Variants in SS18 observed in about 807,000 individuals in gnomAD.
The protein encoded by SS18 is protein SSXT.
A neutral mutation model predicts 72.5 loss-of-function variants in SS18; 28 were observed. The observed-to-expected ratio is 0.39, with a 90% CI of 0.29 to 0.53. The LOEUF is 0.53. SS18 is among the 20% of genes least tolerant of loss of function. The pLI is 0.76. For missense variants in SS18, 518 were observed against 535.3 expected (o/e 0.97, Z 0.32); for synonymous variants, 172 against 164.2 (o/e 1.05, Z -0.37).
rs2053260647 is a variant in SS18, at chr18:26,016,943, A to AT, written c.*1410_*1411insA. On this transcript the variant is annotated 3_prime_UTR_variant, in exon 11 of 11. Coordinates refer to ENST00000415083, the MANE Select transcript of SS18 (RefSeq NM_001007559.3). Reference sequence around the variant, plus strand: ...CGTGGGAAAAACCAATTCAATTATAAAGAATACATCTTATTCCCTGGGCAT... The same window carrying AT: ...CGTGGGAAAAACCAATTCAATTATAATAGAATACATCTTATTCCCTGGGCAT... 1 of 224,970 alleles carries AT rather than the reference A, an allele frequency of 4.4e-6. No homozygotes were observed. Among genetic ancestry groups the AT allele is most frequent in the Non-Finnish European group, 8.9e-6 (1 of 112,742 alleles). 13.9% of individuals were successfully genotyped at this position (224,970 alleles called of 1,614,324 possible). A position where few individuals can be genotyped will look rare whatever the true frequency, so the allele number is the denominator to read the frequency against.
chr18:26,064,774 G>A (rs540296189), intron 3 of SS18: 1 of 151,826 alleles, frequency 6.6e-6, no homozygotes, highest in South Asian at 2.1e-4. Flanking sequence ...AAAGAAAATA[G>A]AAAACAAAGT....
At chr18:26,083,155 G>C (rs988287390) in intron 2 of SS18, among the ~76,000 whole-genome samples, 1 of 152,120 alleles carries the variant, frequency 6.6e-6, no homozygotes, top group African/African-American at 2.4e-5. Context: ...CAGAATTTAA[G>C]ATTCTCCCTA....
intron 5 of SS18, among the ~76,000 whole-genome samples, chr18:26,047,174 G>C (rs7234300): frequency 0.26 from 38,294 of 148,780 alleles, 8,526 homozygotes; most frequent in African/African-American, 0.6. Flanking sequence ...ACATGCAAAG[G>C]ATTTTGATAG....
At chr18:26,057,428 T>A (rs1228533042) in intron 4 of SS18, among the ~76,000 whole-genome samples, 161 bp downstream of exon 4, 1 of 152,110 alleles carries the variant, frequency 6.6e-6, no homozygotes, top group Admixed American at 6.6e-5. Flanking sequence ...AAACACTGAA[T>A]ACAGGTCACG....
At chr18:26,051,962 G>A (rs914476845) in intron 5 of SS18, among the ~76,000 whole-genome samples, 2 of 149,506 alleles carry the variant, frequency 1.3e-5, no homozygotes, top group African/African-American at 5.0e-5. Context: ...CTATCTTACA[G>A]TCTTAACTTC....
chr18:26,052,680 C>G lies in SS18; in HGVS notation c.551G>C (p.Gly184Ala). Residue 184 changes from glycine (G) to alanine (A), a missense_variant, in exon 5 of 11, where the codon GGA becomes GCA. Transcript: ENST00000415083. ...PVQNQMTMSQ[G>A]QPMGNYGPRP... ...GGGACCATAGTTTCCCATTGGTTGT[C>G]CCTGACTCATTGTCATCTGATTCTG... 6.2e-7 allele frequency: 1 copy of G among 1,614,138 alleles called. No homozygotes were observed. The highest frequency in any genetic ancestry group is 8.5e-7 in the Non-Finnish European group (1 of 1,179,998).
intron 3 of SS18, among the ~76,000 whole-genome samples, chr18:26,066,709 T>A (rs948348196): frequency 6.6e-6 from 1 of 152,120 alleles, no homozygotes; most frequent in Admixed American, 6.5e-5. Context: ...TTATATATAC[T>A]GTCCAGCAAA....
At position 26,035,978 on chromosome 18, in the gene SS18, C is replaced by A; in HGVS notation, c.881-55G>T. ...AACGTTAATGGCCACTGAGTGAAAA[C>A]CCTAAAAATATTTAAACTTTCAGAT... On this transcript the variant is annotated intron_variant, in intron 7 of 10. Coordinates refer to ENST00000415083, the MANE Select transcript of SS18 (RefSeq NM_001007559.3). This position sits in a 1 kb window ranked among gnomAD's most constrained non-coding sequence, Gnocchi z 4.4. 8 of 1,060,320 alleles carry A rather than the reference C, an allele frequency of 7.5e-6. No individual in the cohort carries two copies. The highest frequency in any genetic ancestry group is 3.1e-5 in the South Asian group (2 of 64,540). The allele number at this position is 1,060,320 out of a possible 1,614,324, so 65.7% of individuals were successfully genotyped here.
intron 10 of SS18, among the ~76,000 whole-genome samples, chr18:26,019,669 G>C (rs909958257): frequency 6.6e-6 from 1 of 151,654 alleles, no homozygotes; most frequent in Non-Finnish European, 1.5e-5. Context: ...AAATTAGCTG[G>C]GCGTGGTGGC....
chr18:26,022,424 C>A (rs2053368215), intron 10 of SS18, among the ~76,000 whole-genome samples: 1 of 150,062 alleles, frequency 6.7e-6, no homozygotes, highest in Admixed American at 6.6e-5. Flanking sequence ...ATTTATCTGG[C>A]AGCCTGAAAC....
intron 2 of SS18, among the ~76,000 whole-genome samples, chr18:26,081,696 T>C (rs2054526402): frequency 6.7e-6 from 1 of 149,936 alleles, no homozygotes; most frequent in Non-Finnish European, 1.5e-5. Flanking sequence ...ACTTTGAATA[T>C]TTTTATTCTA....
chr18:26,038,786 T>C, intron 6 of SS18, 127 bp from the exon 7 acceptor site: 1 of 867,664 alleles, frequency 1.2e-6, no homozygotes, highest in Non-Finnish European at 1.8e-6. Flanking sequence ...ATTTGGCATT[T>C]CAGATACTTT....
intron 3 of SS18, among the ~76,000 whole-genome samples, chr18:26,074,810 T>G (rs762656649): frequency 1.3e-5 from 2 of 151,876 alleles, no homozygotes; most frequent in Non-Finnish European, 2.9e-5. Context: ...AAAAGTTGAT[T>G]CTTTGAAAAG....
intron 5 of SS18, among the ~76,000 whole-genome samples, chr18:26,040,778 A>C (rs554666741): frequency 1.3e-5 from 2 of 152,082 alleles, no homozygotes; most frequent in African/African-American, 4.8e-5. Context: ...TTTCAATTTT[A>C]TTCTCATAAA....
Position 26,017,769 on chromosome 18 carries a change from T to C in SS18, c.*585A>G, listed in dbSNP as rs960289046. On this transcript the variant is annotated 3_prime_UTR_variant, in exon 11 of 11. Coordinates refer to ENST00000415083, the MANE Select transcript of SS18 (RefSeq NM_001007559.3). ...CTATGAGAACAGAACAGTGGACATA[T>C]GGTGTGCTTTGTCTTCCCCTCACCT... 4.5e-6 allele frequency: 1 copy of C among 223,156 alleles called. No individual in the cohort carries two copies. Among genetic ancestry groups the C allele is most frequent in the Non-Finnish European group, 8.9e-6 (1 of 111,814 alleles). 13.8% of individuals were successfully genotyped at this position (223,156 alleles called of 1,614,324 possible). A position where few individuals can be genotyped will look rare whatever the true frequency, so the allele number is the denominator to read the frequency against.
chr18:26,026,949 T>TA lies in SS18; in HGVS notation c.1230+5449dup, dbSNP rs1421448100. On this transcript the variant is annotated intron_variant, in intron 10 of 10. Transcript: ENST00000415083. Reference sequence around the variant, plus strand: ...TATAGTGAAAATTATATGACACTGTTAAAAAAAATTTTAAGGGACATATGC... The same window carrying TA: ...TATAGTGAAAATTATATGACACTGTTAAAAAAAAATTTTAAGGGACATATGC... Among the ~76,000 whole-genome samples the TA allele has an allele frequency of 4.6e-5, 7 of 152,134 alleles. No homozygotes were observed. The South Asian group carries it at 1.5e-3, about 32-fold the overall frequency.
At chr18:26,036,036 T>TAA (rs2053621185) in intron 7 of SS18, 113 bp from the exon 8 acceptor site, 2 of 744,852 alleles carry the variant, frequency 2.7e-6, no homozygotes, top group African/African-American at 3.6e-5. Flanking sequence ...AAATGGAACA[T>TAA]AAAAAATAAT....
chr18:26,029,814 T>G (rs2053513719), intron 10 of SS18, among the ~76,000 whole-genome samples: 1 of 152,186 alleles, frequency 6.6e-6, no homozygotes, highest in Non-Finnish European at 1.5e-5. Context: ...ACGAACTATT[T>G]TTCCTAAAAT....
Position 26,039,459 on chromosome 18 carries a change from G to A in SS18, c.608-3C>T. On this transcript the variant is annotated splice_polypyrimidine_tract_variant and splice_region_variant and intron_variant, in intron 5 of 10. Coordinates refer to ENST00000415083, the MANE Select transcript of SS18 (RefSeq NM_001007559.3). ...AGGCTGCTGATGCATCATTGGACCT[G>A]AAACAAGACACAACATTATACACAT... is the stretch of plus-strand genomic sequence containing the variant. 1 of 1,612,120 alleles carries A rather than the reference G, an allele frequency of 6.2e-7. No homozygotes were observed. Among genetic ancestry groups the A allele is most frequent in the Non-Finnish European group, 8.5e-7 (1 of 1,178,832 alleles).
Sources: allele counts gnomAD v4.1 joint callset (sites outside exome capture counted in the v4.1 genomes callset), GRCh38; gene constraint gnomAD v4.1.1; non-coding constraint Gnocchi (gnomAD v3.1); transcripts MANE v1.5; gene names NCBI Gene and HGNC (gene_info 2026-07-23, HGNC 2026-07-21).